The following FNBP1 variants were observed in gnomAD, a reference collection of about 807,000 sequenced individuals.
FNBP1 encodes the protein formin-binding protein 1.
In FNBP1, 26 loss-of-function variants were observed where a neutral mutation model predicts 90.6. The ratio of observed to expected loss-of-function variants is 0.29; its 90% confidence interval spans 0.21 to 0.40. The LOEUF (loss-of-function observed/expected upper bound fraction) is 0.40, where lower values mean the gene tolerates loss of function less well. Among genes scored for constraint, FNBP1 ranks in the 10% least tolerant of loss-of-function variants. The pLI is 1.00. For missense variants in FNBP1, 635 were observed against 768.0 expected, an observed-to-expected ratio of 0.83 and a Z score of 2.05; for synonymous variants, 260 against 265.2, an observed-to-expected ratio of 0.98 and a Z score of 0.19.
chr9:129,967,197 T>C (rs1325584049), intron 4 of FNBP1, among the ~76,000 whole-genome samples: 2 of 152,092 alleles, frequency 1.3e-5, no homozygotes, highest in Non-Finnish European at 2.9e-5. Context: ...GAATGGAACA[T>C]GGATAAGGAC....
rs192288600 is a variant in FNBP1, at chr9:129,907,021, G to A, written c.1295+1869C>T. Reference sequence around the variant, plus strand: ...TCTCAATCTCCTGACCTCGTGATCCGCCCGCCTCCGCCTCCCAAAGTGCTG... The same window carrying A: ...TCTCAATCTCCTGACCTCGTGATCCACCCGCCTCCGCCTCCCAAAGTGCTG... On this transcript the variant is annotated intron_variant, in intron 12 of 16. Transcript: ENST00000446176. Among the ~76,000 whole-genome samples, 14 of 151,640 alleles carry A rather than the reference G, an allele frequency of 9.2e-5. No individual in the cohort carries two copies. In the East Asian group the frequency reaches 2.3e-3, roughly 25 times the overall value.
At chr9:130,003,233 C>T (rs970515984) in intron 1 of FNBP1, among the ~76,000 whole-genome samples, 1 of 151,870 alleles carries the variant, frequency 6.6e-6, no homozygotes, top group South Asian at 2.1e-4. Flanking sequence ...TCGAGGCAGG[C>T]GGATCATGAG....
Position 130,043,165 on chromosome 9 carries a change from A to C in FNBP1, c.-190T>G, listed in dbSNP as rs969403717. Reference sequence around the variant, plus strand: ...CCTCCTCCCCGCCGCTCCACAGCAAAATGGCCCGAGGAAGCAGCAGCCGCG... The same window carrying C: ...CCTCCTCCCCGCCGCTCCACAGCAACATGGCCCGAGGAAGCAGCAGCCGCG... On this transcript the variant is annotated 5_prime_UTR_variant, in exon 1 of 17. In the 5' UTR this introduces an upstream ATG that the reference lacks. Coordinates refer to ENST00000446176, the MANE Select transcript of FNBP1 (RefSeq NM_015033.3). The C allele has an allele frequency of 2.5e-6, 1 of 402,800 alleles. No individual in the cohort carries two copies. The highest frequency in any genetic ancestry group is 4.2e-6 in the Non-Finnish European group (1 of 237,336). The allele number at this position is 402,800 out of a possible 1,614,324, so 25.0% of individuals were successfully genotyped here.
At chr9:129,946,283 T>C (rs1169136131) in intron 6 of FNBP1, among the ~76,000 whole-genome samples, 1 of 152,224 alleles carries the variant, frequency 6.6e-6, no homozygotes, top group South Asian at 2.1e-4. Context: ...AACAGGGACA[T>C]CTATATGTAG....
At chr9:129,912,561 G>A (rs1015587011) in intron 11 of FNBP1, among the ~76,000 whole-genome samples, 7 of 151,932 alleles carry the variant, frequency 4.6e-5, no homozygotes, top group Admixed American at 1.3e-4. Context: ...GGTGGCGCCC[G>A]TCTGTAATCC....
In FNBP1 at chr9:129,900,459, G is replaced by A. The variant is rs2036696798; in HGVS notation, c.1517C>T (p.Pro506Leu). The A allele has an allele frequency of 1.9e-6, 3 of 1,605,220 alleles. No individual in the cohort carries two copies. The highest frequency in any genetic ancestry group is 1.7e-4 in the Middle Eastern group (1 of 6,016). ...GTCCTGGGCGCAGTTGTTGACTGTG[G>A]GTGGGTTCTGGCTGTCGTACAGTCC... is the stretch of plus-strand genomic sequence containing the variant. ...QSGLYDSQNP[P>L]TVNNCAQDRE... The change falls in exon 14 of 17, where the codon CCC becomes CTC. Residue 506 changes from proline (P) to leucine (L), a missense_variant. Coordinates refer to ENST00000446176, the MANE Select transcript of FNBP1 (RefSeq NM_015033.3). This position sits in a 1 kb window ranked among gnomAD's most constrained non-coding sequence, Gnocchi z 4.1.
At chr9:129,893,441 A>G (rs1205430496) in intron 16 of FNBP1, among the ~76,000 whole-genome samples, 4 of 67,724 alleles carry the variant, frequency 5.9e-5, no homozygotes, top group Non-Finnish European at 4.2e-5. Flanking sequence ...TGTCTTTACT[A>G]AAAAAAAAAA....
chr9:129,923,306 C>A (rs374562448), intron 10 of FNBP1, among the ~76,000 whole-genome samples: 3 of 151,950 alleles, frequency 2.0e-5, no homozygotes, highest in African/African-American at 7.3e-5. Context: ...AAAGGCCGGG[C>A]GCAGTGGCTC....
chr9:129,907,155 C>G (rs968302868), intron 12 of FNBP1, among the ~76,000 whole-genome samples: 7 of 151,766 alleles, frequency 4.6e-5, no homozygotes, highest in Non-Finnish European at 7.4e-5. Flanking sequence ...TTTTGATTGG[C>G]CCTTGCATGG....
intron 5 of FNBP1, among the ~76,000 whole-genome samples, chr9:129,958,248 A>G (rs888955958): frequency 1.3e-5 from 2 of 152,086 alleles, no homozygotes; most frequent in African/African-American, 4.8e-5. Flanking sequence ...CCTGGCCAAC[A>G]TGGCAAAACC....
rs749415642 is a variant in FNBP1 at position 129,929,547 on chromosome 9, G to A, written c.642+20C>T. The stretch of plus-strand genomic sequence containing the variant: ...AAGCAAAGCATAAAACATGAAATCT[G>A]AGAGATGTTCAGGACTTACCTGGAA... On this transcript the variant is annotated intron_variant, in intron 7 of 16. Coordinates refer to ENST00000446176, the MANE Select transcript of FNBP1 (RefSeq NM_015033.3). 7.5e-6 allele frequency: 12 copies of A among 1,610,518 alleles called. No homozygotes were observed. The highest frequency in any genetic ancestry group is 1.0e-5 in the Non-Finnish European group (12 of 1,177,482).
rs929738327 is a variant in FNBP1 at position 129,915,154 on chromosome 9, G to A, written c.1185+812C>T. Reference sequence around the variant, plus strand: ...CACAAGGCACCAACATATCTACGTCGCACCATAAAGATTCCACAGTCTTCC... The same window carrying A: ...CACAAGGCACCAACATATCTACGTCACACCATAAAGATTCCACAGTCTTCC... On this transcript the variant is annotated intron_variant, in intron 11 of 16. Coordinates refer to ENST00000446176, the MANE Select transcript of FNBP1 (RefSeq NM_015033.3). 2.6e-5 allele frequency among the ~76,000 whole-genome samples: 4 copies of A among 151,784 alleles called. No homozygotes were observed. The East Asian group carries it at 7.8e-4, about 29-fold the overall frequency.
chr9:129,917,125 G>C (rs551717823), intron 10 of FNBP1, among the ~76,000 whole-genome samples: 1 of 152,108 alleles, frequency 6.6e-6, no homozygotes, highest in East Asian at 1.9e-4. Context: ...CGATTTTCCT[G>C]CTTCAGCCTC....
chr9:130,037,127 C>T (rs2059392672), intron 1 of FNBP1, among the ~76,000 whole-genome samples: 2 of 151,008 alleles, frequency 1.3e-5, no homozygotes, highest in African/African-American at 4.9e-5. Flanking sequence ...AAGGCAGAGG[C>T]AGGCAGATCA....
intron 6 of FNBP1, among the ~76,000 whole-genome samples, chr9:129,946,541 A>C (rs1296965856): frequency 6.6e-6 from 1 of 152,232 alleles, no homozygotes; most frequent in African/African-American, 2.4e-5. Context: ...AATTGCAATG[A>C]ATTAGAATGA....
At chr9:130,007,016 T>C (rs951633307) in intron 1 of FNBP1, among the ~76,000 whole-genome samples, 4 of 151,650 alleles carry the variant, frequency 2.6e-5, no homozygotes, top group Non-Finnish European at 5.9e-5. Context: ...GGAGGATCAT[T>C]TGGGCCCAGG....
chr9:129,956,750 T>C (rs564297716), intron 6 of FNBP1, among the ~76,000 whole-genome samples: 168 of 152,280 alleles, frequency 1.1e-3, no homozygotes, highest in African/African-American at 4.0e-3. Context: ...ATTGACTTTC[T>C]CTTTGAAAAG....
At chr9:129,986,615 C>T (rs999026694) in intron 2 of FNBP1, among the ~76,000 whole-genome samples, 7 of 151,306 alleles carry the variant, frequency 4.6e-5, no homozygotes, top group African/African-American at 1.7e-4. Flanking sequence ...CATGGTGAAA[C>T]CCCGTCTCTA....
intron 15 of FNBP1, among the ~76,000 whole-genome samples, chr9:129,899,513 C>G (rs1435185562): frequency 1.3e-5 from 2 of 152,064 alleles, no homozygotes; most frequent in African/African-American, 4.8e-5. Flanking sequence ...GAGTTCAACA[C>G]CAGCCTGGGC....
Sources: gnomAD v4.1 joint callset for allele counts (sites outside exome capture counted in the v4.1 genomes callset) on GRCh38, gnomAD v4.1.1 for gene constraint, Gnocchi (gnomAD v3.1) non-coding constraint, MANE v1.5 for transcripts, NCBI Gene and HGNC (gene_info 2026-07-23, HGNC 2026-07-21) for gene names.